The following MGAM2 variants were observed in gnomAD, a reference collection of about 807,000 sequenced individuals.
The protein encoded by MGAM2 is maltase-glucoamylase 2 (putative), also known as probable maltase-glucoamylase 2.
A neutral mutation model predicts 96.1 loss-of-function variants in MGAM2; 98 were observed. The ratio of observed to expected loss-of-function variants is 1.02; its 90% confidence interval spans 0.87 to 1.21. The LOEUF is 1.21. MGAM2 is among the 50% of genes most tolerant of loss of function. The pLI is 0.00. For synonymous variants in MGAM2, 749 were observed against 414.8 expected (o/e 1.81, Z -9.79); for missense variants, 2,055 against 1,182.4 (o/e 1.74, Z -10.82).
At position 142,131,915 on chromosome 7, in the gene MGAM2, G is replaced by GT. The variant is rs1276435388; in HGVS notation, c.421-11dup. On this transcript the variant is annotated splice_polypyrimidine_tract_variant and intron_variant, in intron 5 of 47. Coordinates refer to ENST00000477922, the MANE Select transcript of MGAM2 (RefSeq NM_001293626.2). ...GGTCTTATCTGCAGTTGTCCCTTCT[G>GT]TTTTTCTTTTGACAGATCACTGACT... is the stretch of plus-strand genomic sequence containing the variant. 1 of 698,288 alleles carries GT rather than the reference G, an allele frequency of 1.4e-6. No individual in the cohort carries two copies. Among genetic ancestry groups the GT allele is most frequent in the East Asian group, 2.7e-5 (1 of 37,200 alleles). 43.3% of individuals were successfully genotyped at this position (698,288 alleles called of 1,614,324 possible).
At chr7:142,179,366 T>A (rs1174695145) in intron 32 of MGAM2, among the ~76,000 whole-genome samples, 1 of 152,192 alleles carries the variant, frequency 6.6e-6, no homozygotes, top group Non-Finnish European at 1.5e-5. Context: ...CTTGCCTGAT[T>A]GCTCTGGCTA....
intron 5 of MGAM2, 90 bp from the exon 6 acceptor site, chr7:142,131,841 G>A (rs1794897709): frequency 1.6e-6 from 1 of 624,870 alleles, no homozygotes; most frequent in Non-Finnish European, 2.9e-6. Flanking sequence ...ATTCTCATGG[G>A]GTGTCATTTG....
At chr7:142,183,023 A>T (rs1049607355) in intron 32 of MGAM2, among the ~76,000 whole-genome samples, 1 of 152,056 alleles carries the variant, frequency 6.6e-6, no homozygotes, top group Non-Finnish European at 1.5e-5. Context: ...GAAAGAGATT[A>T]CCCCTCATAA....
chr7:142,145,502 G>A (rs1046053515), intron 14 of MGAM2, among the ~76,000 whole-genome samples: 1 of 151,984 alleles, frequency 6.6e-6, no homozygotes, highest in African/African-American at 2.4e-5. Flanking sequence ...TCTAGTCAAG[G>A]TCAATTTTCC....
chr7:142,145,629 G>C (rs527534503), intron 14 of MGAM2, among the ~76,000 whole-genome samples: 1 of 152,140 alleles, frequency 6.6e-6, no homozygotes, highest in South Asian at 2.1e-4. Flanking sequence ...CACAATAATC[G>C]TTTACTTTTT....
rs1797911808 is a variant in MGAM2, at chr7:142,221,049, G to A, written c.6538G>A (p.Val2180Ile). The change falls in exon 48 of 48, where the codon GTT becomes ATT. Residue 2180 changes from valine to isoleucine, a missense_variant. Transcript: ENST00000477922. ...DDTVPNNTVPVTAIPSLANTG... is the reference protein window; with the variant it reads ...DDTVPNNTVPITAIPSLANTG... Reference sequence around the variant, plus strand: ...TACTGTTCCTAATAATACTGTTCCAGTTACAGCTATTCCTTCTCTTGCAAA... The same window carrying A: ...TACTGTTCCTAATAATACTGTTCCAATTACAGCTATTCCTTCTCTTGCAAA... The A allele has an allele frequency of 1.4e-6, 1 of 702,368 alleles. No individual in the cohort carries two copies. The highest frequency in any genetic ancestry group is 2.6e-6 in the Non-Finnish European group (1 of 384,724). 43.5% of individuals were successfully genotyped at this position (702,368 alleles called of 1,614,324 possible).
chr7:142,146,753 A>G (rs1795397882), intron 14 of MGAM2, among the ~76,000 whole-genome samples: 1 of 149,754 alleles, frequency 6.7e-6, no homozygotes, highest in African/African-American at 2.5e-5. Flanking sequence ...TTTGAGATGT[A>G]GTCTCGCTCT....
intron 7 of MGAM2, among the ~76,000 whole-genome samples, chr7:142,135,196 G>T (rs2129078694): frequency 6.6e-6 from 1 of 152,314 alleles, no homozygotes; most frequent in Non-Finnish European, 1.5e-5. Flanking sequence ...ACATTAACCT[G>T]TAGCCCAGCT....
At chr7:142,201,180 C>A (rs1193232404) in intron 45 of MGAM2, among the ~76,000 whole-genome samples, 3 of 141,380 alleles carry the variant, frequency 2.1e-5, no homozygotes, top group African/African-American at 8.0e-5. Context: ...AGTGATTCTC[C>A]TGGCTCAGCC....
chr7:142,126,198 C>A (rs1277665994), intron 3 of MGAM2, among the ~76,000 whole-genome samples: 1 of 151,930 alleles, frequency 6.6e-6, no homozygotes, highest in Non-Finnish European at 1.5e-5. Flanking sequence ...GAACCATTTT[C>A]ACTTTTGCTT....
chr7:142,128,684 T>C (rs1380973585), intron 3 of MGAM2, among the ~76,000 whole-genome samples: 1 of 152,132 alleles, frequency 6.6e-6, no homozygotes, highest in Non-Finnish European at 1.5e-5. Flanking sequence ...TGCTTCTACA[T>C]GTTGTTGAGC....
At chr7:142,149,754 G>T (rs376422733) in intron 15 of MGAM2, among the ~76,000 whole-genome samples, 3 of 151,780 alleles carry the variant, frequency 2.0e-5, no homozygotes, top group South Asian at 4.2e-4. Flanking sequence ...CGTTAGCCAG[G>T]ATGGTCTCCA....
intron 31 of MGAM2, 114 bp from the exon 32 acceptor site, chr7:142,175,538 G>A (rs1796346618): frequency 1.6e-6 from 1 of 618,110 alleles, no homozygotes; most frequent in East Asian, 2.8e-5. Context: ...GGAATGAAGA[G>A]GGGCCTGGAA....
At chr7:142,157,896 A>T in intron 17 of MGAM2, 41 bp from the exon 18 acceptor site, 1 of 698,634 alleles carries the variant, frequency 1.4e-6, no homozygotes, top group South Asian at 1.5e-5. Context: ...CTGAACTATG[A>T]TGGAAAGAAA....
intron 45 of MGAM2, among the ~76,000 whole-genome samples, chr7:142,200,399 T>G (rs1472685352): frequency 1.3e-5 from 2 of 152,210 alleles, no homozygotes; most frequent in Non-Finnish European, 2.9e-5. Flanking sequence ...TTAGAAAATT[T>G]CTTGGTGACT....
At chr7:142,144,673 C>T (rs1795332397) in intron 13 of MGAM2, among the ~76,000 whole-genome samples, 188 bp from the exon 14 acceptor site, 1 of 152,136 alleles carries the variant, frequency 6.6e-6, no homozygotes, top group African/African-American at 2.4e-5. Flanking sequence ...AAATATATAA[C>T]CTAATCCAAT....
chr7:142,158,743 A>G (rs1301025815), intron 19 of MGAM2, among the ~76,000 whole-genome samples: 1 of 152,156 alleles, frequency 6.6e-6, no homozygotes, highest in African/African-American at 2.4e-5. Flanking sequence ...GTGCTGGGCA[A>G]AGGGAAGGCG....
intron 28 of MGAM2, 79 bp downstream of exon 28, chr7:142,171,519 C>T (rs1796184327): frequency 7.9e-6 from 5 of 634,230 alleles, no homozygotes; most frequent in South Asian, 1.8e-5. Context: ...ATATATGATA[C>T]CTTGCTCATC....
rs551130762 is a variant in MGAM2, at chr7:142,183,870, T to C, written c.3924+497T>C. Among the ~76,000 whole-genome samples, 6 of 150,860 alleles carry C rather than the reference T, an allele frequency of 4.0e-5. 1 individual carries two copies. The South Asian group carries it at 1.2e-3, about 31-fold the overall frequency. On this transcript the variant is annotated intron_variant, in intron 33 of 47. Coordinates refer to ENST00000477922, the MANE Select transcript of MGAM2 (RefSeq NM_001293626.2). ...AGCATTTTAGGTGGACTTCAGGTGA[T>C]AATAGCTTTTAGCCTAGGTTCGAAT...
Sources: allele counts gnomAD v4.1 joint callset (sites outside exome capture counted in the v4.1 genomes callset), GRCh38; gene constraint gnomAD v4.1.1; transcripts MANE v1.5; gene names NCBI Gene and HGNC (gene_info 2026-07-23, HGNC 2026-07-21).